DYNC2H1: variants seen among roughly 807,000 people sequenced by gnomAD.
The protein encoded by DYNC2H1 is dynein cytoplasmic 2 heavy chain 1.
DYNC2H1 carries 410 observed loss-of-function variants against 570.0 expected under a neutral mutation model. The ratio of observed to expected loss-of-function variants is 0.72; its 90% CI spans 0.66 to 0.78. The LOEUF (loss-of-function observed/expected upper bound fraction) is 0.78. DYNC2H1 is among the 30% of genes least tolerant of loss of function. DYNC2H1 has a pLI of 0.00. For missense variants in DYNC2H1, 4,865 were observed against 5,046.4 expected, an observed-to-expected ratio of 0.96 and a Z score of 1.09; for synonymous variants, 1,688 against 1,677.6, an observed-to-expected ratio of 1.01 and a Z score of -0.15.
Position 103,324,097 on chromosome 11 carries a change from A to T in DYNC2H1, c.12039+107A>T, listed in dbSNP as rs1368036712. ...TAGACCCCACAAGCTTTATTTAAAC[A>T]TTTTATTTTCACAACACATTCCAGT... is the stretch of plus-strand genomic sequence containing the variant. On this transcript the variant is annotated intron_variant, in intron 82 of 88. Transcript: ENST00000375735. This position sits in a 1 kb window ranked among gnomAD's most constrained non-coding sequence, Gnocchi z 5.2. The T allele has an allele frequency of 1.5e-5, 8 of 526,410 alleles. No individual in the cohort carries two copies. The highest frequency in any genetic ancestry group is 3.0e-6 in the Non-Finnish European group (1 of 337,650). 32.6% of individuals were successfully genotyped at this position (526,410 alleles called of 1,614,324 possible). A position where few individuals can be genotyped will look rare whatever the true frequency, so the allele number is the denominator to read the frequency against.
At chr11:103,265,991 A>G (rs967222804) in intron 70 of DYNC2H1, among the ~76,000 whole-genome samples, 1 of 135,026 alleles carries the variant, frequency 7.4e-6, no homozygotes, top group Non-Finnish European at 1.5e-5. Flanking sequence ...TGGGGGACTC[A>G]TATTGGGCCC....
rs1865293839 is a variant in DYNC2H1, at chr11:103,261,687, TC to T, written c.10695+1712del. 6.6e-6 allele frequency among the ~76,000 whole-genome samples: 1 copy of T among 151,938 alleles called. No homozygotes were observed. The highest frequency in any genetic ancestry group is 1.5e-5 in the Non-Finnish European group (1 of 67,992). Reference sequence around the variant, plus strand: ...AAAGGACATCTATACAAAAACCCCATCCGAAGGTCACCAAGATCAAAGACCA... The same window carrying T: ...AAAGGACATCTATACAAAAACCCCATCGAAGGTCACCAAGATCAAAGACCA... On this transcript the variant is annotated intron_variant, in intron 70 of 88. Coordinates refer to ENST00000375735, the MANE Select transcript of DYNC2H1 (RefSeq NM_001377.3). The surrounding 1 kb of genome is among the most constrained non-coding windows in gnomAD (Gnocchi z 4.8).
In DYNC2H1 at chr11:103,187,468, A is replaced by T. The variant is rs1220707994; in HGVS notation, c.7022A>T (p.Asn2341Ile). The T allele has an allele frequency of 6.2e-7, 1 of 1,613,374 alleles. No individual in the cohort carries two copies. The highest frequency in any genetic ancestry group is 1.1e-5 in the South Asian group (1 of 91,074). ...LSQTCMVIST[N>I]TGRVYRPKDC... ...CAGACTTGCATGGTAATCAGTACTA[A>T]TACTGGTCGTGTATACAGACCAAAA... is the stretch of plus-strand genomic sequence containing the variant. Residue 2341 changes from asparagine (N) to isoleucine (I), a missense_variant, in exon 43 of 89, where the codon AAT (asparagine) becomes ATT (isoleucine). By Grantham distance (149) the Asn-to-Ile change is moderately radical. Transcript: ENST00000375735.
At chr11:103,117,131 G>T (rs1405384965) in intron 5 of DYNC2H1, among the ~76,000 whole-genome samples, 2 of 149,072 alleles carry the variant, frequency 1.3e-5, no homozygotes, top group Admixed American at 1.3e-4. Context: ...GTGATGAGCA[G>T]AAGTAAATAG....
intron 79 of DYNC2H1, among the ~76,000 whole-genome samples, chr11:103,312,938 T>G (rs372981173): frequency 6.6e-6 from 1 of 152,138 alleles, no homozygotes; most frequent in Admixed American, 6.5e-5. Flanking sequence ...ATCCAATCCA[T>G]CATCAAGTCT....
chr11:103,372,049 T>TC (rs1941183217), intron 83 of DYNC2H1, among the ~76,000 whole-genome samples: 1 of 138,802 alleles, frequency 7.2e-6, no homozygotes, highest in Non-Finnish European at 1.6e-5. Context: ...TTTTTTTTTT[T>TC]TTTTTTTTTG....
intron 18 of DYNC2H1, 55 bp downstream of exon 18, chr11:103,143,450 G>A (rs2134830834): frequency 1.3e-6 from 2 of 1,496,820 alleles, no homozygotes; most frequent in East Asian, 2.3e-5. Flanking sequence ...GACATGGACA[G>A]TAAGGGAGCT....
At chr11:103,399,177 C>G (rs1427278367) in intron 83 of DYNC2H1, among the ~76,000 whole-genome samples, 3 of 139,032 alleles carry the variant, frequency 2.2e-5, no homozygotes, top group Admixed American at 1.5e-4. Context: ...GAGTCTCACT[C>G]TGTCGCCCAG....
At chr11:103,467,004 T>A (rs1370366286) in intron 87 of DYNC2H1, among the ~76,000 whole-genome samples, 2 of 152,008 alleles carry the variant, frequency 1.3e-5, no homozygotes, top group Non-Finnish European at 2.9e-5. Flanking sequence ...ATGGATAAAT[T>A]GTTGTATATT....
chr11:103,121,713 A>T lies in DYNC2H1; in HGVS notation c.1485+217A>T, dbSNP rs185286643. Among the ~76,000 whole-genome samples, 9 of 152,282 alleles carry T rather than the reference A, an allele frequency of 5.9e-5. No homozygotes were observed. The East Asian group carries it at 1.5e-3, about 26-fold the overall frequency. On this transcript the variant is annotated intron_variant, in intron 10 of 88. Transcript: ENST00000375735. Reference sequence around the variant, plus strand: ...TAGAGATAATGCATCATTTATTCCAATTGCAGTTGTTCCAAAGAAATACCT... The same window carrying T: ...TAGAGATAATGCATCATTTATTCCATTTGCAGTTGTTCCAAAGAAATACCT...
At position 103,145,199 on chromosome 11, in the gene DYNC2H1, A is replaced by T. The variant is rs1860179355; in HGVS notation, c.2702+1804A>T. On this transcript the variant is annotated intron_variant, in intron 18 of 88. Transcript: ENST00000375735. The surrounding 1 kb of genome is among the most constrained non-coding windows in gnomAD (Gnocchi z 4.2). ...CCCGGCCATAATAATTAATTGAATT[A>T]TCTTGTTGGAACTCAAAATGAGGAG... Among the ~76,000 whole-genome samples, 1 of 152,154 alleles carries T rather than the reference A, an allele frequency of 6.6e-6. No individual in the cohort carries two copies. The highest frequency in any genetic ancestry group is 2.1e-4 in the South Asian group (1 of 4,826).
At chr11:103,138,638 C>G (rs560923547) in intron 17 of DYNC2H1, among the ~76,000 whole-genome samples, 1 of 152,164 alleles carries the variant, frequency 6.6e-6, no homozygotes, top group Non-Finnish European at 1.5e-5. Context: ...AGGATTTTTA[C>G]ATCGATGTTC....
At chr11:103,455,705 G>T (rs1353974373) in intron 86 of DYNC2H1, among the ~76,000 whole-genome samples, 1 of 152,072 alleles carries the variant, frequency 6.6e-6, no homozygotes, top group Non-Finnish European at 1.5e-5. Flanking sequence ...TGGACTGCAT[G>T]AAAATATTTT....
rs747423194 is a variant in DYNC2H1, at chr11:103,243,723, T to C, written c.9850T>C (p.Ser3284Pro). The change falls in exon 64 of 89, where the codon TCT becomes CCT. Residue 3284 changes from serine to proline, a missense_variant. Ser to Pro is a moderately conservative substitution (Grantham distance 74). Transcript: ENST00000375735. This position sits in a 1 kb window ranked among gnomAD's most constrained non-coding sequence, Gnocchi z 4.8. Reference sequence around the variant, plus strand: ...AGTGTGCCCATTTCTTATAGATCCTTCTTCCCAAGCTACAGAGTGGTTAAA... The same window carrying C: ...AGTGTGCCCATTTCTTATAGATCCTCCTTCCCAAGCTACAGAGTGGTTAAA... ...SRVCPFLIDP[S>P]SQATEWLKTH... 6 of 1,606,562 alleles carry C rather than the reference T, an allele frequency of 3.7e-6. No homozygotes were observed. The Admixed American group carries it at 8.4e-5, about 23-fold the overall frequency.
At chr11:103,184,661 A>G (rs1861992857) in intron 40 of DYNC2H1, among the ~76,000 whole-genome samples, 1 of 151,900 alleles carries the variant, frequency 6.6e-6, no homozygotes, top group Non-Finnish European at 1.5e-5. Flanking sequence ...AACTGTATCT[A>G]TTTGAGGACT....
intron 83 of DYNC2H1, among the ~76,000 whole-genome samples, chr11:103,383,487 T>TA (rs201445017): frequency 0.052 from 7,967 of 151,970 alleles, 388 homozygotes; most frequent in East Asian, 0.19. Context: ...TATTTTTTTT[T>TA]TTTTGAGATG....
At chr11:103,288,134 G>A (rs1418554150) in intron 75 of DYNC2H1, among the ~76,000 whole-genome samples, 4 of 152,068 alleles carry the variant, frequency 2.6e-5, no homozygotes, top group Non-Finnish European at 5.9e-5. Context: ...GCCATTTGGA[G>A]ATGTTCAGAC....
In DYNC2H1 at chr11:103,323,933, T is replaced by C. The variant is rs1365623821; in HGVS notation, c.11982T>C (p.Ser3994=). Reference sequence around the variant, plus strand: ...AAATTCCAGAGGACGACAAACCTAGTTTCTTTGGTCTGCCTGCCAATATCG... The same window carrying C: ...AAATTCCAGAGGACGACAAACCTAGCTTCTTTGGTCTGCCTGCCAATATCG... ...IEKIPEDDKP[S]FFGLPANIAR... is the part of the protein sequence containing the mutation. Residue 3994 remains serine (S), a synonymous_variant, in exon 82 of 89, where the codon AGT becomes AGC. Transcript: ENST00000375735. 1 of 1,612,976 alleles carries C rather than the reference T, an allele frequency of 6.2e-7. No homozygotes were observed. Among genetic ancestry groups the C allele is most frequent in the Admixed American group, 1.7e-5 (1 of 59,972 alleles).
At chr11:103,253,485 T>C (rs1209202746) in intron 66 of DYNC2H1, 37 bp downstream of exon 66, 1 of 1,579,038 alleles carries the variant, frequency 6.3e-7, no homozygotes, top group South Asian at 1.2e-5. Flanking sequence ...TTGGAATCTT[T>C]TCGAGCTTTA....
Sources: gnomAD v4.1 joint callset for allele counts (sites outside exome capture counted in the v4.1 genomes callset) on GRCh38, gnomAD v4.1.1 for gene constraint, Gnocchi (gnomAD v3.1) non-coding constraint, MANE v1.5 for transcripts, NCBI Gene and HGNC (gene_info 2026-07-23, HGNC 2026-07-21) for gene names.